Variants in CUX1 observed in about 807,000 individuals in gnomAD.
CUX1 encodes the protein cut like homeobox 1, also known as protein CASP.
In CUX1, 31 loss-of-function variants were observed where a neutral mutation model predicts 158.8. The observed-to-expected ratio is 0.20, with a 90% confidence interval of 0.15 to 0.26. The LOEUF (loss-of-function observed/expected upper bound fraction) is 0.26. CUX1 is among the 10% of genes least tolerant of loss of function. The pLI is 1.00. For synonymous variants in CUX1, 879 were observed against 862.1 expected (o/e 1.02, Z -0.34); for missense variants, 1,589 against 2,014.6 (o/e 0.79, Z 4.04).
intron 1 of CUX1, among the ~76,000 whole-genome samples, chr7:101,819,366 G>T (rs1054025197): frequency 6.6e-6 from 1 of 152,190 alleles, no homozygotes; most frequent in African/African-American, 2.4e-5. Context: ...TTGGGACGGG[G>T]CCCGCCAATG....
intron 21 of CUX1, among the ~76,000 whole-genome samples, chr7:102,233,737 A>C (rs1799235105): frequency 6.6e-6 from 1 of 152,198 alleles, no homozygotes; most frequent in East Asian, 1.9e-4. Flanking sequence ...CAGTGAGCCA[A>C]GATTACACTA....
chr7:102,165,481 C>A (rs908837829), intron 9 of CUX1, among the ~76,000 whole-genome samples: 4 of 151,022 alleles, frequency 2.6e-5, no homozygotes, highest in Non-Finnish European at 5.9e-5. Flanking sequence ...TCTCATGTCT[C>A]AGTCTCCCAA....
chr7:102,031,101 C>G (rs1277364471), intron 3 of CUX1, among the ~76,000 whole-genome samples: 2 of 152,142 alleles, frequency 1.3e-5, no homozygotes, highest in African/African-American at 4.8e-5. Flanking sequence ...CTCTGTCCCC[C>G]AGGCTGGGAT....
intron 2 of CUX1, among the ~76,000 whole-genome samples, chr7:102,025,124 C>T (rs1222900504): frequency 6.6e-6 from 1 of 152,186 alleles, no homozygotes; most frequent in East Asian, 1.9e-4. Flanking sequence ...AGCCTCCTGC[C>T]TGTCTCTTAC....
intron 3 of CUX1, among the ~76,000 whole-genome samples, chr7:102,034,340 A>G (rs1821167078): frequency 1.3e-5 from 2 of 152,114 alleles, no homozygotes; most frequent in African/African-American, 4.8e-5. Flanking sequence ...CAGTAGTTAT[A>G]TGAAAAGATT....
intron 8 of CUX1, among the ~76,000 whole-genome samples, chr7:102,123,346 A>G (rs1179136271): frequency 2.0e-5 from 3 of 152,140 alleles, no homozygotes; most frequent in African/African-American, 7.2e-5. Context: ...GCAGTGGCTC[A>G]TGCCTGTAAT....
At chr7:102,064,027 G>A (rs1825259594) in intron 3 of CUX1, among the ~76,000 whole-genome samples, 2 of 152,210 alleles carry the variant, frequency 1.3e-5, no homozygotes, top group South Asian at 4.1e-4. Flanking sequence ...CCAGGCGGAG[G>A]GGAAATTGCT....
chr7:101,984,146 ATATGTGTG>A (rs1240209944), intron 2 of CUX1, among the ~76,000 whole-genome samples: 3 of 74,624 alleles, frequency 4.0e-5, no homozygotes, highest in Admixed American at 1.3e-4. Context: ...ACACATATAT[ATATGTGTG>A]TGTGTGTGTG....
intron 19 of CUX1, 45 bp from the exon 20 acceptor site, chr7:102,205,069 C>T (rs372095125): frequency 8.9e-5 from 122 of 1,376,844 alleles, no homozygotes; most frequent in Non-Finnish European, 1.2e-4. Context: ...GCTTTAAGCC[C>T]TGGGCCGCGT....
intron 2 of CUX1, among the ~76,000 whole-genome samples, chr7:101,976,900 A>ATTTTTTTTTTTTTTTTTTTTTTTTTTT (rs10643207): frequency 7.6e-5 from 3 of 39,462 alleles, no homozygotes; most frequent in East Asian, 9.0e-4. Flanking sequence ...TCCCTTTCTG[A>ATTTTTTTTTTTTTTTTTTTTTTTTTTT]TTTTTTTTTT....
intron 3 of CUX1, among the ~76,000 whole-genome samples, chr7:102,041,617 T>A (rs1266663577): frequency 6.6e-6 from 1 of 151,858 alleles, no homozygotes; most frequent in Non-Finnish European, 1.5e-5. Flanking sequence ...CAGAAACAGA[T>A]TCTTCCTCTT....
intron 1 of CUX1, among the ~76,000 whole-genome samples, chr7:101,883,193 C>G (rs1260414558): frequency 1.3e-5 from 2 of 152,068 alleles, no homozygotes; most frequent in Non-Finnish European, 1.5e-5. Flanking sequence ...CACTCATGTA[C>G]CTTGATGATT....
At chr7:102,167,389 G>A (rs389224) in intron 9 of CUX1, among the ~76,000 whole-genome samples, 10,104 of 152,260 alleles carry the variant, frequency 0.066, 392 homozygotes, top group African/African-American at 0.083. Context: ...TATCCGCTCT[G>A]AACGGCTAAA....
At position 102,248,955 on chromosome 7, in the gene CUX1, CAAG is replaced by C; in HGVS notation, c.4438_4440del (p.Lys1480del). On this transcript the variant is annotated inframe_deletion, in exon 24 of 24. Transcript: ENST00000292535. The surrounding 1 kb of genome is among the most constrained non-coding windows in gnomAD (Gnocchi z 5.8). ...GGGACTCGCGCGACAACCCCCTGCG[CAAG>C]AAGAAGGCCGCGAACTTGAACAGCA... 6.7e-7 allele frequency: 1 copy of C among 1,488,578 alleles called. No homozygotes were observed. Among genetic ancestry groups the C allele is most frequent in the Non-Finnish European group, 9.0e-7 (1 of 1,114,330 alleles). The allele number at this position is 1,488,578 out of a possible 1,614,324, so 92.2% of individuals were successfully genotyped here.
intron 22 of CUX1, among the ~76,000 whole-genome samples, chr7:102,236,430 T>G (rs1554532871): frequency 1.3e-5 from 2 of 152,240 alleles, no homozygotes; most frequent in African/African-American, 4.8e-5. Context: ...AGTTTTCAAC[T>G]TATTTTTCGT....
chr7:101,866,641 A>G (rs865789510), intron 1 of CUX1, among the ~76,000 whole-genome samples: 1 of 151,812 alleles, frequency 6.6e-6, no homozygotes, highest in Non-Finnish European at 1.5e-5. Flanking sequence ...CTTAAAAAAA[A>G]GTTAAACTAG....
chr7:101,981,607 A>G (rs1813451139), intron 2 of CUX1, among the ~76,000 whole-genome samples: 1 of 151,992 alleles, frequency 6.6e-6, no homozygotes. Flanking sequence ...GAGGCTCTGA[A>G]GTTTAAAGTC....
In CUX1 at chr7:102,034,915, C is replaced by G. The variant is rs145170115; in HGVS notation, c.189+6770C>G. On this transcript the variant is annotated intron_variant, in intron 3 of 23. Transcript: ENST00000292535. ...CGCCACCGCACTCTAGCCTGGGCAA[C>G]AGATCAAGATTCCATCTCAAAAACA... is the stretch of plus-strand genomic sequence containing the variant. 4.4e-4 allele frequency among the ~76,000 whole-genome samples: 67 copies of G among 152,020 alleles called. No homozygotes were observed. In the East Asian group the frequency reaches 0.012, roughly 28 times the overall value.
intron 20 of CUX1, among the ~76,000 whole-genome samples, chr7:102,209,438 G>A (rs1047439182): frequency 3.3e-5 from 5 of 151,984 alleles, no homozygotes; most frequent in Admixed American, 6.6e-5. Context: ...TTGAAAAGGC[G>A]TAAGGTGAGC....
Sources: allele counts gnomAD v4.1 joint callset (sites outside exome capture counted in the v4.1 genomes callset), GRCh38; gene constraint gnomAD v4.1.1; non-coding constraint Gnocchi (gnomAD v3.1); transcripts MANE v1.5; gene names NCBI Gene and HGNC (gene_info 2026-07-23, HGNC 2026-07-21).